Variants in DPYSL2 observed in about 807,000 individuals in gnomAD.
DPYSL2 encodes the protein dihydropyrimidinase-related protein 2.
A neutral mutation model predicts 69.9 loss-of-function variants in DPYSL2; 13 were observed. The observed-to-expected ratio is 0.19, with a 90% CI of 0.12 to 0.30. DPYSL2 has a LOEUF of 0.30. DPYSL2 is among the 10% of genes least tolerant of loss of function. DPYSL2 has a pLI of 1.00. For synonymous variants in DPYSL2, 326 were observed against 359.1 expected, an observed-to-expected ratio of 0.91 and a Z score of 1.04; for missense variants, 587 against 918.9, an observed-to-expected ratio of 0.64 and a Z score of 4.67.
intron 3 of DPYSL2, among the ~76,000 whole-genome samples, chr8:26,602,721 G>A (rs1428709178): frequency 6.6e-6 from 1 of 152,200 alleles, no homozygotes; most frequent in African/African-American, 2.4e-5. Flanking sequence ...TCTGGCAGGT[G>A]CTGATCTGGG....
rs1803374684 is a variant in DPYSL2 at position 26,655,814 on chromosome 8, C to T, written c.*108C>T. ...TTTTTTTTGTTTTTTTTTTTAAGAG[C>T]CTGTGATAGTTACTGTGGAGCAGCC... On this transcript the variant is annotated 3_prime_UTR_variant, in exon 14 of 14. Coordinates refer to ENST00000521913, the MANE Select transcript of DPYSL2 (RefSeq NM_001197293.3). The T allele has an allele frequency of 2.8e-6, 3 of 1,057,746 alleles. No homozygotes were observed. The highest frequency in any genetic ancestry group is 2.6e-6 in the Non-Finnish European group (2 of 773,100). The allele number at this position is 1,057,746 out of a possible 1,614,324, so 65.5% of individuals were successfully genotyped here. A position where few individuals can be genotyped will look rare whatever the true frequency, so the allele number is the denominator to read the frequency against.
chr8:26,607,339 A>C (rs1302582516), intron 3 of DPYSL2, among the ~76,000 whole-genome samples: 1 of 151,134 alleles, frequency 6.6e-6, no homozygotes, highest in Non-Finnish European at 1.5e-5. Context: ...ACAAAAATTA[A>C]CCGGGCATGG....
At position 26,598,366 on chromosome 8, in the gene DPYSL2, T is replaced by C. The variant is rs1201567548; in HGVS notation, c.628+14383T>C. Among the ~76,000 whole-genome samples, 2 of 152,224 alleles carry C rather than the reference T, an allele frequency of 1.3e-5. No homozygotes were observed. The highest frequency in any genetic ancestry group is 2.9e-5 in the Non-Finnish European group (2 of 68,040). ...TATTTTTTTGTGGATGTTTTAGAGC[T>C]CCTCCTCTCCATCTCCTGAATTTCT... On this transcript the variant is annotated intron_variant, in intron 3 of 13. Coordinates refer to ENST00000521913, the MANE Select transcript of DPYSL2 (RefSeq NM_001197293.3). This position sits in a 1 kb window ranked among gnomAD's most constrained non-coding sequence, Gnocchi z 4.2.
chr8:26,556,505 G>T (rs1800990371), intron 1 of DPYSL2, among the ~76,000 whole-genome samples: 1 of 143,218 alleles, frequency 7.0e-6, no homozygotes, highest in African/African-American at 2.6e-5. Flanking sequence ...AGGATATAAG[G>T]TTATTATACA....
chr8:26,655,101 G>T (rs2130004703), intron 13 of DPYSL2, among the ~76,000 whole-genome samples: 1 of 151,756 alleles, frequency 6.6e-6, no homozygotes, highest in East Asian at 2.0e-4. Flanking sequence ...TCTCACCTCA[G>T]CCTCTCCAAG....
intron 3 of DPYSL2, among the ~76,000 whole-genome samples, chr8:26,584,377 A>G (rs1801551330): frequency 2.0e-5 from 3 of 152,290 alleles, no homozygotes; most frequent in African/African-American, 7.2e-5. Context: ...AAAATTCCTA[A>G]GAGTGCTTCT....
rs948479699 is a variant in DPYSL2 at position 26,624,026 on chromosome 8, T to A, written c.629-117T>A. On this transcript the variant is annotated intron_variant, in intron 3 of 13. Transcript: ENST00000521913. The surrounding 1 kb of genome is among the most constrained non-coding windows in gnomAD (Gnocchi z 4.7). ...GATTCTTAGAAGCTGGTTGTAGAGA[T>A]CACCATCTCGATTTTGAACCCAAGA... 14 of 1,060,814 alleles carry A rather than the reference T, an allele frequency of 1.3e-5. No homozygotes were observed. Among genetic ancestry groups the A allele is most frequent in the Non-Finnish European group, 1.9e-5 (14 of 720,774 alleles). 65.7% of individuals were successfully genotyped at this position (1,060,814 alleles called of 1,614,324 possible). A position where few individuals can be genotyped will look rare whatever the true frequency, so the allele number is the denominator to read the frequency against.
chr8:26,616,880 T>C (rs749226897), intron 3 of DPYSL2, among the ~76,000 whole-genome samples: 2 of 152,110 alleles, frequency 1.3e-5, no homozygotes, highest in Non-Finnish European at 2.9e-5. Flanking sequence ...TCCTCCCTTC[T>C]ATTCCACGTG....
chr8:26,598,606 C>T lies in DPYSL2; in HGVS notation c.628+14623C>T, dbSNP rs1305059536. Among the ~76,000 whole-genome samples, 1 of 152,188 alleles carries T rather than the reference C, an allele frequency of 6.6e-6. No homozygotes were observed. The highest frequency in any genetic ancestry group is 6.5e-5 in the Admixed American group (1 of 15,274). ...TCCCCCCAGGCACAGTCCCTGCTTA[C>T]GGGAGATTTGAGGCATTTGATCATT... On this transcript the variant is annotated intron_variant, in intron 3 of 13. Transcript: ENST00000521913. The surrounding 1 kb of genome is among the most constrained non-coding windows in gnomAD (Gnocchi z 4.2).
chr8:26,555,121 A>G (rs1018062527), intron 1 of DPYSL2, among the ~76,000 whole-genome samples: 1 of 152,296 alleles, frequency 6.6e-6, no homozygotes, highest in East Asian at 1.9e-4. Flanking sequence ...TCAACTTGAT[A>G]AAGAAGATCT....
In DPYSL2 at chr8:26,653,721, C is replaced by A. The variant is rs1164019572; in HGVS notation, c.1942+324C>A. Among the ~76,000 whole-genome samples the A allele has an allele frequency of 3.3e-5, 5 of 152,090 alleles. No homozygotes were observed. Among genetic ancestry groups the A allele is most frequent in the African/African-American group, 1.2e-4 (5 of 41,424 alleles). Reference sequence around the variant, plus strand: ...TACAGGCATGCACCACCATACCTGGCTAATTTTTGTATTTTTAGTAGAGAC... The same window carrying A: ...TACAGGCATGCACCACCATACCTGGATAATTTTTGTATTTTTAGTAGAGAC... On this transcript the variant is annotated intron_variant, in intron 13 of 13. Coordinates refer to ENST00000521913, the MANE Select transcript of DPYSL2 (RefSeq NM_001197293.3). The surrounding 1 kb of genome is among the most constrained non-coding windows in gnomAD (Gnocchi z 5.7).
intron 1 of DPYSL2, among the ~76,000 whole-genome samples, chr8:26,556,130 A>AG (rs1477500174): frequency 0.076 from 226 of 2,966 alleles, 44 homozygotes; most frequent in East Asian, 0.25. Flanking sequence ...TATATATTAT[A>AG]TATACTATAT....
chr8:26,653,803 G>A lies in DPYSL2; in HGVS notation c.1942+406G>A, dbSNP rs563735225. ...ACTCCTGACTTCAGGTGATCTGCCC[G>A]CCTCGGCCTCCCAAAGTGCTGGGAT... On this transcript the variant is annotated intron_variant, in intron 13 of 13. Coordinates refer to ENST00000521913, the MANE Select transcript of DPYSL2 (RefSeq NM_001197293.3). This position sits in a 1 kb window ranked among gnomAD's most constrained non-coding sequence, Gnocchi z 5.7. 1.3e-5 allele frequency among the ~76,000 whole-genome samples: 2 copies of A among 152,242 alleles called. No individual in the cohort carries two copies. Among genetic ancestry groups the A allele is most frequent in the East Asian group, 1.9e-4 (1 of 5,188 alleles).
At chr8:26,573,889 T>C (rs1257899294) in intron 1 of DPYSL2, among the ~76,000 whole-genome samples, 1 of 53,492 alleles carries the variant, frequency 1.9e-5, no homozygotes, top group African/African-American at 4.4e-5. Flanking sequence ...CTTGCTTGCA[T>C]TGGGGATTTT....
chr8:26,571,724 T>C lies in DPYSL2; in HGVS notation c.355-10245T>C, dbSNP rs1801239927. Among the ~76,000 whole-genome samples, 2 of 152,172 alleles carry C rather than the reference T, an allele frequency of 1.3e-5. No homozygotes were observed. Among genetic ancestry groups the C allele is most frequent in the South Asian group, 4.1e-4 (2 of 4,830 alleles). On this transcript the variant is annotated intron_variant, in intron 1 of 13. Transcript: ENST00000521913. The surrounding 1 kb of genome is among the most constrained non-coding windows in gnomAD (Gnocchi z 6.1). ...AGAGCCCCCATGCTGGCCGGCAGTC[T>C]GTACAGTTCTAGCCAAAGCAGCGTC...
At chr8:26,569,386 A>AC in intron 1 of DPYSL2, among the ~76,000 whole-genome samples, 1 of 147,442 alleles carries the variant, frequency 6.8e-6, no homozygotes, top group African/African-American at 2.5e-5. Context: ...ACAAAAAAAA[A>AC]CCAAAGAAAA....
At position 26,621,707 on chromosome 8, in the gene DPYSL2, C is replaced by CAG. The variant is rs940886800; in HGVS notation, c.629-2425_629-2424dup. Among the ~76,000 whole-genome samples the CAG allele has an allele frequency of 6.6e-6, 1 of 151,930 alleles. No homozygotes were observed. Among genetic ancestry groups the CAG allele is most frequent in the Non-Finnish European group, 1.5e-5 (1 of 67,922 alleles). On this transcript the variant is annotated intron_variant, in intron 3 of 13. Coordinates refer to ENST00000521913, the MANE Select transcript of DPYSL2 (RefSeq NM_001197293.3). This position sits in a 1 kb window ranked among gnomAD's most constrained non-coding sequence, Gnocchi z 4.9. ...GTCAAGAGCGAGGGGAATGGGTTTCCAGAGAGAGAGAGGGCTGCTTGTGCA... is the reference window on the plus strand; with the variant it reads ...GTCAAGAGCGAGGGGAATGGGTTTCCAGAGAGAGAGAGAGGGCTGCTTGTGCA...
intron 1 of DPYSL2, among the ~76,000 whole-genome samples, chr8:26,579,792 C>T (rs1415019307): frequency 6.6e-6 from 1 of 152,028 alleles, no homozygotes; most frequent in East Asian, 1.9e-4. Context: ...GGAGTGGTGA[C>T]TCTGGGGAGG....
At chr8:26,567,280 C>CCATCCATCCATCCAT (rs1585513243) in intron 1 of DPYSL2, among the ~76,000 whole-genome samples, 1 of 149,174 alleles carries the variant, frequency 6.7e-6, no homozygotes, top group Non-Finnish European at 1.5e-5. Context: ...TATCCACCTA[C>CCATCCATCCATCCAT]CCATCCATCC....
Sources: allele counts gnomAD v4.1 joint callset (sites outside exome capture counted in the v4.1 genomes callset), GRCh38; gene constraint gnomAD v4.1.1; non-coding constraint Gnocchi (gnomAD v3.1); transcripts MANE v1.5; gene names NCBI Gene and HGNC (gene_info 2026-07-23, HGNC 2026-07-21).